The following GABRB3 variants were observed in gnomAD, a reference collection of about 807,000 sequenced individuals.
GABRB3 encodes the protein gamma-aminobutyric acid receptor subunit beta-3.
GABRB3 carries 14 observed loss-of-function variants against 52.1 expected under a neutral mutation model. That is an observed-to-expected ratio of 0.27 (90% CI 0.18 to 0.42). The LOEUF is 0.42. Among genes scored for constraint, GABRB3 ranks in the 10% least tolerant of loss-of-function variants. The pLI, the probability that GABRB3 is intolerant of heterozygous loss-of-function variation, is 1.00. For synonymous variants in GABRB3, 260 were observed against 232.3 expected, an observed-to-expected ratio of 1.12 and a Z score of -1.08; for missense variants, 307 against 609.1, an observed-to-expected ratio of 0.50 and a Z score of 5.22.
intron 3 of GABRB3, among the ~76,000 whole-genome samples, chr15:26,717,440 T>C (rs141307375): frequency 6.6e-6 from 1 of 152,352 alleles, no homozygotes; most frequent in Non-Finnish European, 1.5e-5. Flanking sequence ...ATGTGGACCA[T>C]GTGTAAAGCT....
At chr15:26,558,969 G>A (rs1436972191) in intron 8 of GABRB3, among the ~76,000 whole-genome samples, 2 of 152,310 alleles carry the variant, frequency 1.3e-5, no homozygotes, top group East Asian at 1.9e-4. Flanking sequence ...TTCTGGGGAA[G>A]CCCCAGGAAA....
At chr15:26,768,196 GAAAAA>G (rs929608759) in intron 3 of GABRB3, among the ~76,000 whole-genome samples, 1 of 150,820 alleles carries the variant, frequency 6.6e-6, no homozygotes, top group Non-Finnish European at 1.5e-5. Flanking sequence ...CATGAAATGA[GAAAAA>G]AAAAGTCCTG....
intron 3 of GABRB3, among the ~76,000 whole-genome samples, chr15:26,660,322 T>C (rs1333122527): frequency 2.0e-5 from 3 of 152,190 alleles, no homozygotes; most frequent in Non-Finnish European, 2.9e-5. Flanking sequence ...ATATGGCTAT[T>C]TCCATAGCAA....
At chr15:26,680,957 C>G (rs557980894) in intron 3 of GABRB3, among the ~76,000 whole-genome samples, 43 of 152,250 alleles carry the variant, frequency 2.8e-4, no homozygotes, top group African/African-American at 1.0e-3. Flanking sequence ...CTTCCTCTTG[C>G]AATTGTAGCA....
At chr15:26,686,488 A>G (rs1888410065) in intron 3 of GABRB3, among the ~76,000 whole-genome samples, 1 of 152,234 alleles carries the variant, frequency 6.6e-6, no homozygotes, top group Non-Finnish European at 1.5e-5. Context: ...ATTACTATAC[A>G]CAAAGCTCTA....
At chr15:26,594,725 A>G (rs902432610) in intron 4 of GABRB3, among the ~76,000 whole-genome samples, 2 of 152,154 alleles carry the variant, frequency 1.3e-5, no homozygotes, top group Admixed American at 6.6e-5. Flanking sequence ...TACATTGCCC[A>G]GGCTGGTCTA....
intron 3 of GABRB3, among the ~76,000 whole-genome samples, chr15:26,769,757 GTCCCTCCTCC>G (rs1566836834): frequency 6.6e-6 from 1 of 151,870 alleles, no homozygotes; most frequent in African/African-American, 2.4e-5. Context: ...AGCTTCTCTC[GTCCCTCCTCC>G]TCCCTCCCTC....
intron 3 of GABRB3, among the ~76,000 whole-genome samples, chr15:26,662,619 AG>A (rs1887585628): frequency 6.6e-6 from 1 of 152,172 alleles, no homozygotes; most frequent in Non-Finnish European, 1.5e-5. Context: ...CTTAGAAAAA[AG>A]GTGCCCACAA....
chr15:26,763,915 G>A (rs1172922383), intron 3 of GABRB3, among the ~76,000 whole-genome samples: 1 of 151,728 alleles, frequency 6.6e-6, no homozygotes, highest in Admixed American at 6.6e-5. Flanking sequence ...GGAGGCCGAG[G>A]CGGGTGGATC....
chr15:26,563,365 G>T (rs1052373664), intron 7 of GABRB3, among the ~76,000 whole-genome samples: 1 of 152,192 alleles, frequency 6.6e-6, no homozygotes, highest in Non-Finnish European at 1.5e-5. Flanking sequence ...GAGTACTTCA[G>T]GTCTTTCTAG....
chr15:26,686,172 T>C (rs896196275), intron 3 of GABRB3, among the ~76,000 whole-genome samples: 6 of 152,154 alleles, frequency 3.9e-5, no homozygotes, highest in African/African-American at 1.4e-4. Context: ...CTTGAACTCC[T>C]GGCCTCAAGG....
At chr15:26,756,273 T>G (rs1890657301) in intron 3 of GABRB3, among the ~76,000 whole-genome samples, 1 of 151,838 alleles carries the variant, frequency 6.6e-6, no homozygotes, top group Admixed American at 6.6e-5. Flanking sequence ...TTTCACAATT[T>G]AAATATACAG....
At chr15:26,668,461 C>T (rs1353180805) in intron 3 of GABRB3, among the ~76,000 whole-genome samples, 1 of 152,200 alleles carries the variant, frequency 6.6e-6, no homozygotes, top group Non-Finnish European at 1.5e-5. Context: ...CTCAGTCACA[C>T]CAAGGCTCAC....
At chr15:26,725,831 T>TTAAATTATTAAATTTAATAA (rs1889757268) in intron 3 of GABRB3, among the ~76,000 whole-genome samples, 6 of 152,234 alleles carry the variant, frequency 3.9e-5, no homozygotes, top group Non-Finnish European at 8.8e-5. Context: ...AATAATTTTG[T>TTAAATTATTAAATTTAATAA]GCATGAAACA....
At chr15:26,566,239 A>G (rs1890167919) in intron 7 of GABRB3, among the ~76,000 whole-genome samples, 2 of 152,150 alleles carry the variant, frequency 1.3e-5, no homozygotes, top group Admixed American at 1.3e-4. Context: ...TGGTTTTCTT[A>G]TCCACTTAAC....
intron 4 of GABRB3, among the ~76,000 whole-genome samples, chr15:26,583,997 C>T (rs1055901167): frequency 2.2e-4 from 34 of 152,146 alleles, no homozygotes; most frequent in African/African-American, 6.7e-4. Flanking sequence ...AGGATGGTCT[C>T]GACCTCTTGA....
chr15:26,676,734 T>G (rs910681037), intron 3 of GABRB3, among the ~76,000 whole-genome samples: 5 of 152,218 alleles, frequency 3.3e-5, no homozygotes, highest in African/African-American at 1.2e-4. Context: ...TAAATCTTGT[T>G]AATTCCATCA....
At chr15:26,638,641 G>C (rs1893117234) in intron 3 of GABRB3, among the ~76,000 whole-genome samples, 1 of 152,044 alleles carries the variant, frequency 6.6e-6, no homozygotes, top group African/African-American at 2.4e-5. Flanking sequence ...CCAGTTCCAA[G>C]ACCCACCCCA....
chr15:26,729,455 G>A (rs1297070714), intron 3 of GABRB3, among the ~76,000 whole-genome samples: 4 of 152,020 alleles, frequency 2.6e-5, no homozygotes, highest in South Asian at 4.1e-4. Flanking sequence ...ATCATCCTCC[G>A]CACAGCACAC....
Sources: gnomAD v4.1 joint callset for allele counts (sites outside exome capture counted in the v4.1 genomes callset) on GRCh38, gnomAD v4.1.1 for gene constraint, MANE v1.5 for transcripts, NCBI Gene and HGNC (gene_info 2026-07-23, HGNC 2026-07-21) for gene names.